STAT3: variants seen among roughly 807,000 people sequenced by gnomAD.
STAT3 encodes signal transducer and activator of transcription 3, also known as DNA-binding protein APRF.
Under a neutral mutation model 114.3 loss-of-function variants are expected in STAT3, and 7 were observed. The observed-to-expected ratio is 0.06, with a 90% CI of 0.03 to 0.11. The LOEUF (loss-of-function observed/expected upper bound fraction) is 0.11. Among genes scored for constraint, STAT3 ranks in the 10% least tolerant of loss-of-function variants. The pLI is 1.00. For synonymous variants in STAT3, 331 were observed against 354.5 expected (o/e 0.93, Z 0.74); for missense variants, 364 against 960.9 (o/e 0.38, Z 8.21).
At chr17:42,376,872 G>T (rs1182432077) in intron 1 of STAT3, among the ~76,000 whole-genome samples, 1 of 151,918 alleles carries the variant, frequency 6.6e-6, no homozygotes, top group Non-Finnish European at 1.5e-5. Context: ...CGGTTTATGG[G>T]TTTGTGGGGG....
chr17:42,359,884 C>T (rs2083423420), intron 1 of STAT3, among the ~76,000 whole-genome samples: 1 of 151,744 alleles, frequency 6.6e-6, no homozygotes, highest in African/African-American at 2.4e-5. Flanking sequence ...CACGGTGAAA[C>T]CCCGTCTCTA....
At chr17:42,380,678 C>T (rs11867382) in intron 1 of STAT3, among the ~76,000 whole-genome samples, 9,314 of 152,214 alleles carry the variant, frequency 0.061, 344 homozygotes, top group Non-Finnish European at 0.074. Context: ...CGTGAGCCAC[C>T]GCACTCGGCC....
At chr17:42,388,197 C>T (rs956969736) in intron 1 of STAT3, 82 bp downstream of exon 1, 1 of 1,224,288 alleles carries the variant, frequency 8.2e-7, no homozygotes, top group African/African-American at 1.6e-5. Flanking sequence ...ACAACATCCC[C>T]AAGGTCCCAG....
chr17:42,315,714 G>C lies in STAT3; in HGVS notation c.*31C>G, dbSNP rs374107124. 4 of 1,606,504 alleles carry C rather than the reference G, an allele frequency of 2.5e-6. No individual in the cohort carries two copies. The highest frequency in any genetic ancestry group is 2.7e-5 in the African/African-American group (2 of 74,748). On this transcript the variant is annotated 3_prime_UTR_variant, in exon 24 of 24. Transcript: ENST00000264657. ...CAGAATGCAGGTAGGCGCCTCAGTC[G>C]TATCTTTCTGCAGCTTCCGTTCTCA...
Position 42,336,470 on chromosome 17 carries a change from T to A in STAT3, c.797+965A>T, listed in dbSNP as rs956828312. Among the ~76,000 whole-genome samples, 11 of 152,092 alleles carry A rather than the reference T, an allele frequency of 7.2e-5. No homozygotes were observed. The South Asian group carries it at 1.9e-3, about 26-fold the overall frequency. On this transcript the variant is annotated intron_variant, in intron 8 of 23. Transcript: ENST00000264657. Reference sequence around the variant, plus strand: ...AAAATTAGCCAGGTGTGGTGGTGCATGCCTGTAGTCCCAGCTACTGAGAAG... The same window carrying A: ...AAAATTAGCCAGGTGTGGTGGTGCAAGCCTGTAGTCCCAGCTACTGAGAAG...
At chr17:42,382,888 CG>C (rs1343163526) in intron 1 of STAT3, among the ~76,000 whole-genome samples, 1 of 151,948 alleles carries the variant, frequency 6.6e-6, no homozygotes, top group Admixed American at 6.6e-5. Context: ...CCTCGTGATC[CG>C]CCCACAGCCT....
chr17:42,324,910 C>T lies in STAT3; in HGVS notation c.1464+53G>A. 1.9e-6 allele frequency: 3 copies of T among 1,614,112 alleles called. No individual in the cohort carries two copies. Among genetic ancestry groups the T allele is most frequent in the South Asian group, 2.2e-5 (2 of 91,078 alleles). On this transcript the variant is annotated intron_variant, in intron 16 of 23. Coordinates refer to ENST00000264657, the MANE Select transcript of STAT3 (RefSeq NM_139276.3). The surrounding 1 kb of genome is among the most constrained non-coding windows in gnomAD (Gnocchi z 4.5). ...TGGTGCTCATTGTCTATACTAGGTA[C>T]CCCTAAGTCGCAAGAGATCCCGGGG...
chr17:42,340,052 T>C (rs1277659050), intron 4 of STAT3, among the ~76,000 whole-genome samples: 1 of 151,982 alleles, frequency 6.6e-6, no homozygotes, highest in Non-Finnish European at 1.5e-5. Flanking sequence ...AAATAGCATA[T>C]GAAACTTAAA....
At chr17:42,349,384 G>A (rs1267456337) in intron 1 of STAT3, among the ~76,000 whole-genome samples, 4 of 152,118 alleles carry the variant, frequency 2.6e-5, no homozygotes, top group South Asian at 2.1e-4. Flanking sequence ...AACAAATGTC[G>A]GTTCCTTTCT....
At chr17:42,385,508 CAAAAAAAA>C (rs11328125) in intron 1 of STAT3, among the ~76,000 whole-genome samples, 6 of 108,288 alleles carry the variant, frequency 5.5e-5, no homozygotes, top group African/African-American at 1.1e-4. Flanking sequence ...AACTCCAACT[CAAAAAAAA>C]AAAAAAAAAA....
intron 22 of STAT3, 138 bp downstream of exon 22, chr17:42,317,044 C>T (rs955865349): frequency 3.2e-6 from 5 of 1,568,300 alleles, no homozygotes; most frequent in Non-Finnish European, 4.3e-6. Flanking sequence ...TTTTTAAACA[C>T]ACAAGGTCAC....
At chr17:42,344,633 C>T (rs539222978) in intron 4 of STAT3, among the ~76,000 whole-genome samples, 11 of 147,492 alleles carry the variant, frequency 7.5e-5, no homozygotes, top group East Asian at 2.0e-4. Context: ...GCAAGAGAAT[C>T]GCTTGAACCT....
rs928113019 is a variant in STAT3 at position 42,388,440 on chromosome 17, G to A, written c.-185C>T. The A allele has an allele frequency of 1.2e-5, 15 of 1,231,770 alleles. No individual in the cohort carries two copies. Among genetic ancestry groups the A allele is most frequent in the South Asian group, 4.1e-5 (1 of 24,348 alleles). 76.3% of individuals were successfully genotyped at this position (1,231,770 alleles called of 1,614,324 possible). ...GGTTGGGGCTTGTTCCCTCGGCTGC[G>A]ACGTCGGAACCCCCGGCTCCCCCTC... On this transcript the variant is annotated 5_prime_UTR_variant, in exon 1 of 24. Coordinates refer to ENST00000264657, the MANE Select transcript of STAT3 (RefSeq NM_139276.3).
At chr17:42,334,722 G>A (rs1019543906) in intron 8 of STAT3, among the ~76,000 whole-genome samples, 3 of 152,272 alleles carry the variant, frequency 2.0e-5, no homozygotes, top group Non-Finnish European at 4.4e-5. Context: ...TGGCATTACA[G>A]GTGTGAGCCA....
intron 20 of STAT3, 110 bp from the exon 21 acceptor site, chr17:42,322,604 G>C: frequency 1.7e-6 from 2 of 1,205,444 alleles, no homozygotes; most frequent in Non-Finnish European, 2.5e-6. Context: ...AGCCACCCTA[G>C]TGTTGAGACC....
chr17:42,380,976 T>C (rs1040571265), intron 1 of STAT3, among the ~76,000 whole-genome samples: 1 of 152,224 alleles, frequency 6.6e-6, no homozygotes, highest in African/African-American at 2.4e-5. Context: ...CCCGGCACTA[T>C]GCAAAGTACT....
chr17:42,375,010 C>A (rs1363005778), intron 1 of STAT3, among the ~76,000 whole-genome samples: 1 of 152,182 alleles, frequency 6.6e-6, no homozygotes, highest in Non-Finnish European at 1.5e-5. Context: ...AACTTAAAGG[C>A]TATTCTTTAC....
At chr17:42,358,151 G>C (rs957715633) in intron 1 of STAT3, among the ~76,000 whole-genome samples, 1 of 152,190 alleles carries the variant, frequency 6.6e-6, no homozygotes, top group Non-Finnish European at 1.5e-5. Flanking sequence ...GGTGGCTCAT[G>C]CCTATAATTC....
At chr17:42,350,915 G>A (rs1165996283) in intron 1 of STAT3, among the ~76,000 whole-genome samples, 4 of 152,060 alleles carry the variant, frequency 2.6e-5, no homozygotes, top group Non-Finnish European at 5.9e-5. Context: ...GGCGGATCAT[G>A]AGGTCAGGAG....
Sources: gnomAD v4.1 joint callset for allele counts (sites outside exome capture counted in the v4.1 genomes callset) on GRCh38, gnomAD v4.1.1 for gene constraint, Gnocchi (gnomAD v3.1) non-coding constraint, MANE v1.5 for transcripts, NCBI Gene and HGNC (gene_info 2026-07-23, HGNC 2026-07-21) for gene names.